FLRT1: variants seen among roughly 807,000 people sequenced by gnomAD.
FLRT1 encodes fibronectin leucine rich transmembrane protein 1, also known as leucine-rich repeat transmembrane protein FLRT1.
Under a neutral mutation model 30.9 loss-of-function variants are expected in FLRT1, and 14 were observed. That is an observed-to-expected ratio of 0.45 (90% confidence interval 0.30 to 0.71). The LOEUF (loss-of-function observed/expected upper bound fraction) is 0.71. Ranked by LOEUF, FLRT1 falls within the 30% of genes least tolerant of loss-of-function variation. The pLI is 0.08. For missense variants in FLRT1, 737 were observed against 949.2 expected, an observed-to-expected ratio of 0.78 and a Z score of 2.94; for synonymous variants, 368 against 430.4, an observed-to-expected ratio of 0.85 and a Z score of 1.80.
At position 64,036,673 on chromosome 11, in the gene FLRT1, A is replaced by G. The variant is rs1480906381; in HGVS notation, c.-1038+514A>G. On this transcript the variant is annotated intron_variant, in intron 1 of 2. Transcript: ENST00000682287. The surrounding 1 kb of genome is among the most constrained non-coding windows in gnomAD (Gnocchi z 5.6). ...GAGGTTTTATTTTTAAAACGACTTC[A>G]AGGGGGGCATGAGCAGCCTCCAACT... is the stretch of plus-strand genomic sequence containing the variant. Among the ~76,000 whole-genome samples the G allele has an allele frequency of 6.6e-6, 1 of 151,938 alleles. No individual in the cohort carries two copies. The highest frequency in any genetic ancestry group is 1.5e-5 in the Non-Finnish European group (1 of 67,948).
chr11:64,118,202 C>G lies in FLRT1; in HGVS notation c.1935C>G (p.Ser645Arg), dbSNP rs1260594330. ...VHTIFPSNGS[S>R]LCKATHTIGY... ...CTATCTTCCCCTCCAACGGCAGCAGCCTCTGCAAGGCCACACACACCATTG... is the reference window on the plus strand; with the variant it reads ...CTATCTTCCCCTCCAACGGCAGCAGGCTCTGCAAGGCCACACACACCATTG... Residue 645 changes from serine (S) to arginine (R), a missense_variant, in exon 3 of 3, where the codon AGC becomes AGG. Coordinates refer to ENST00000682287, the MANE Select transcript of FLRT1 (RefSeq NM_013280.5). 1 of 1,613,280 alleles carries G rather than the reference C, an allele frequency of 6.2e-7. No homozygotes were observed. Among genetic ancestry groups the G allele is most frequent in the East Asian group, 2.2e-5 (1 of 44,898 alleles).
intron 1 of FLRT1, among the ~76,000 whole-genome samples, chr11:64,080,070 T>C (rs915069885): frequency 8.5e-5 from 13 of 152,184 alleles, no homozygotes; most frequent in African/African-American, 3.1e-4. Context: ...TGGAGTGCAA[T>C]GGCACCATCC....
chr11:64,106,460 G>A (rs1243469979), intron 2 of FLRT1, among the ~76,000 whole-genome samples: 1 of 152,210 alleles, frequency 6.6e-6, no homozygotes, highest in Non-Finnish European at 1.5e-5. Flanking sequence ...GGCAGACCAT[G>A]TCCTAACTAT....
chr11:64,101,335 C>T (rs1004193188), intron 1 of FLRT1, among the ~76,000 whole-genome samples: 6 of 152,128 alleles, frequency 3.9e-5, no homozygotes, highest in Admixed American at 3.9e-4. Flanking sequence ...AGGATAAAGC[C>T]GAGAAGCTAT....
chr11:64,103,061 C>A (rs1365783390), intron 1 of FLRT1, 133 bp from the exon 2 acceptor site: 1 of 149,426 alleles, frequency 6.7e-6, no homozygotes, highest in Non-Finnish European at 1.5e-5. Flanking sequence ...CAGAGCGAGA[C>A]TCCATCTCAA....
chr11:64,087,112 G>A (rs1367910694), intron 1 of FLRT1: 1 of 152,190 alleles, frequency 6.6e-6, no homozygotes, highest in Non-Finnish European at 1.5e-5. Context: ...TAAATGATAT[G>A]GGGCCATATT....
At chr11:64,052,414 C>T (rs747413311) in intron 1 of FLRT1, among the ~76,000 whole-genome samples, 2 of 152,188 alleles carry the variant, frequency 1.3e-5, no homozygotes, top group Non-Finnish European at 2.9e-5. Flanking sequence ...TGGCCTCAAG[C>T]GATCTTCCAT....
chr11:64,087,379 C>CGGTTGTCCCCAG, intron 1 of FLRT1, among the ~76,000 whole-genome samples: 1 of 152,270 alleles, frequency 6.6e-6, no homozygotes, highest in Non-Finnish European at 1.5e-5. Flanking sequence ...CGGCTGTAGC[C>CGGTTGTCCCCAG]CTGACCACAG....
intron 1 of FLRT1, among the ~76,000 whole-genome samples, chr11:64,075,262 C>A (rs1011376750): frequency 1.3e-5 from 2 of 152,276 alleles, no homozygotes; most frequent in African/African-American, 4.8e-5. Context: ...TCTAGATAGG[C>A]TGGGACCTGC....
intron 2 of FLRT1, among the ~76,000 whole-genome samples, chr11:64,113,603 G>GTGGA (rs138402349): frequency 5.4e-4 from 64 of 117,544 alleles, no homozygotes; most frequent in East Asian, 8.4e-4. Context: ...GGATGGTTAG[G>GTGGA]TGGATGGATG....
chr11:64,101,218 A>G (rs1984852), intron 1 of FLRT1, among the ~76,000 whole-genome samples: 99,086 of 151,850 alleles, frequency 0.65, 32,835 homozygotes, highest in African/African-American at 0.7. Context: ...GAGCCAGCTC[A>G]GGGCATTAGT....
chr11:64,047,742 C>G (rs569301133), intron 1 of FLRT1, among the ~76,000 whole-genome samples: 1 of 151,950 alleles, frequency 6.6e-6, no homozygotes, highest in African/African-American at 2.4e-5. Flanking sequence ...ACCAAAAATA[C>G]AAAAATTAGC....
At position 64,067,189 on chromosome 11, in the gene FLRT1, G is replaced by A. The variant is rs766627919; in HGVS notation, c.-1038+31030G>A. On this transcript the variant is annotated intron_variant, in intron 1 of 2. Transcript: ENST00000682287. The surrounding 1 kb of genome is among the most constrained non-coding windows in gnomAD (Gnocchi z 4.6). ...GCCATACCCACCTGTAGGCACATGC[G>A]GCTCCAAGGAGATGGCAGATGGGAG... 6.6e-6 allele frequency among the ~76,000 whole-genome samples: 1 copy of A among 152,146 alleles called. No individual in the cohort carries two copies. The highest frequency in any genetic ancestry group is 1.5e-5 in the Non-Finnish European group (1 of 68,018).
At chr11:64,041,431 C>A (rs1221163994) in intron 1 of FLRT1, among the ~76,000 whole-genome samples, 1 of 151,724 alleles carries the variant, frequency 6.6e-6, no homozygotes, top group Non-Finnish European at 1.5e-5. Flanking sequence ...AGGGGCTTTT[C>A]CTGGGGGAGG....
In FLRT1 at chr11:64,064,823, G is replaced by A. The variant is rs998640690; in HGVS notation, c.-1038+28664G>A. Among the ~76,000 whole-genome samples the A allele has an allele frequency of 1.3e-5, 2 of 150,688 alleles. No individual in the cohort carries two copies. The highest frequency in any genetic ancestry group is 2.9e-5 in the Non-Finnish European group (2 of 67,812). On this transcript the variant is annotated intron_variant, in intron 1 of 2. Transcript: ENST00000682287. This position sits in a 1 kb window ranked among gnomAD's most constrained non-coding sequence, Gnocchi z 4.5. Reference sequence around the variant, plus strand: ...AAACCTGGGCACCCGGTGGCCAAGAGGCTAGAGTTTCACAAGGACCTCATT... The same window carrying A: ...AAACCTGGGCACCCGGTGGCCAAGAAGCTAGAGTTTCACAAGGACCTCATT...
intron 1 of FLRT1, among the ~76,000 whole-genome samples, chr11:64,065,121 C>A (rs1248743334): frequency 6.6e-6 from 1 of 152,190 alleles, no homozygotes; most frequent in African/African-American, 2.4e-5. Context: ...CAGAGGAGAA[C>A]GGGCTACACG....
At chr11:64,048,474 AC>A (rs1325986488) in intron 1 of FLRT1, among the ~76,000 whole-genome samples, 3 of 152,036 alleles carry the variant, frequency 2.0e-5, no homozygotes, top group African/African-American at 7.2e-5. Flanking sequence ...GTTGCCAGGG[AC>A]CCAGGAGCCC....
intron 1 of FLRT1, among the ~76,000 whole-genome samples, chr11:64,047,415 T>G (rs1260395938): frequency 1.3e-5 from 2 of 152,118 alleles, no homozygotes; most frequent in African/African-American, 4.8e-5. Flanking sequence ...GCCAGGTCCA[T>G]GCCATGGGGT....
intron 1 of FLRT1, among the ~76,000 whole-genome samples, chr11:64,075,277 C>T (rs969020762): frequency 6.6e-6 from 1 of 152,272 alleles, no homozygotes. Flanking sequence ...ACCTGCCTGG[C>T]TGGCCCTTGG....
Sources: gnomAD v4.1 joint callset for allele counts (sites outside exome capture counted in the v4.1 genomes callset) on GRCh38, gnomAD v4.1.1 for gene constraint, Gnocchi (gnomAD v3.1) non-coding constraint, MANE v1.5 for transcripts, NCBI Gene and HGNC (gene_info 2026-07-23, HGNC 2026-07-21) for gene names.